Variants in HPSE2 observed in about 807,000 individuals in gnomAD.
HPSE2 encodes heparanase 2 (inactive), also known as inactive heparanase-2.
Under a neutral mutation model 60.5 loss-of-function variants are expected in HPSE2, and 38 were observed. That is an observed-to-expected ratio of 0.63 (90% confidence interval 0.48 to 0.82). The LOEUF (loss-of-function observed/expected upper bound fraction) is 0.82. Among genes scored for constraint, HPSE2 ranks in the 40% least tolerant of loss-of-function variants. The pLI, the probability that HPSE2 is intolerant of heterozygous loss-of-function variation, is 0.00. For missense variants in HPSE2, 713 were observed against 740.4 expected (o/e 0.96, Z 0.43); for synonymous variants, 295 against 293.2 (o/e 1.01, Z -0.06).
chr10:98,475,950 T>G (rs1318538748), intron 11 of HPSE2, among the ~76,000 whole-genome samples: 2 of 152,040 alleles, frequency 1.3e-5, no homozygotes, highest in Non-Finnish European at 2.9e-5. Flanking sequence ...AAATACCATT[T>G]GACCCAGCCA....
chr10:98,940,496 A>C lies in HPSE2; in HGVS notation c.611-196440T>G, dbSNP rs1227752454. Among the ~76,000 whole-genome samples, 4 of 144,172 alleles carry C rather than the reference A, an allele frequency of 2.8e-5. 2 individuals are homozygous for C. The highest frequency in any genetic ancestry group is 1.1e-4 in the African/African-American group (4 of 35,522). 94.6% of individuals were successfully genotyped at this position (144,172 alleles called of 152,430 possible). A position where few individuals can be genotyped will look rare whatever the true frequency, so the allele number is the denominator to read the frequency against. ...TAGAAAATCTAGAAGAAATGGATAA[A>C]TTCCTCCACACATACACCCTCCCAA... On this transcript the variant is annotated intron_variant, in intron 3 of 11. Transcript: ENST00000370552.
chr10:98,572,845 G>C (rs1416109479), intron 9 of HPSE2, among the ~76,000 whole-genome samples: 2 of 152,208 alleles, frequency 1.3e-5, no homozygotes, highest in Non-Finnish European at 1.5e-5. Context: ...GGCCTGCCCA[G>C]ACTAAGTGAA....
intron 9 of HPSE2, among the ~76,000 whole-genome samples, chr10:98,538,582 T>C (rs1293532212): frequency 6.6e-6 from 1 of 152,080 alleles, no homozygotes; most frequent in East Asian, 2.0e-4. Flanking sequence ...TGGAATCATC[T>C]GGGGAGCTTT....
intron 3 of HPSE2, among the ~76,000 whole-genome samples, chr10:99,002,491 T>G (rs989444122): frequency 2.6e-5 from 4 of 152,088 alleles, no homozygotes; most frequent in Non-Finnish European, 2.9e-5. Context: ...TATAACCAAA[T>G]CTATAACCTC....
At chr10:99,295,339 G>A in the HPSE2 span, among the ~76,000 whole-genome samples, 3 of 62,676 alleles carry the variant, frequency 4.8e-5, no homozygotes, top group Non-Finnish European at 9.4e-5. Flanking sequence ...ATAAAATACT[G>A]CCTCTCAGGA....
intron 3 of HPSE2, among the ~76,000 whole-genome samples, chr10:99,009,743 ATT>A (rs1274464590): frequency 6.6e-6 from 1 of 152,306 alleles, no homozygotes; most frequent in East Asian, 1.9e-4. Flanking sequence ...GACCAGTAAT[ATT>A]TCAAAAAGAA....
Position 98,721,665 on chromosome 10 carries a change from G to A in HPSE2, c.948C>T (p.Leu316=). 1 of 1,613,334 alleles carries A rather than the reference G, an allele frequency of 6.2e-7. No homozygotes were observed. The highest frequency in any genetic ancestry group is 8.5e-7 in the Non-Finnish European group (1 of 1,179,782). Residue 316 remains leucine (L), a synonymous_variant, in exon 5 of 12, where the codon CTC becomes CTT. Transcript: ENST00000370552. ...IGRPRKNVIA[L]LDGFMKVAGS... ...TAAATAATCTGACCTACCCATCTAG[G>A]AGGGCGATGACATTCTTCCTCGGCC... is the stretch of plus-strand genomic sequence containing the variant.
At chr10:98,780,780 AT>A (rs1425361189) in intron 3 of HPSE2, among the ~76,000 whole-genome samples, 1 of 152,128 alleles carries the variant, frequency 6.6e-6, no homozygotes, top group African/African-American at 2.4e-5. Context: ...TTCTGAGAAA[AT>A]TTCTCAGGAC....
intron 3 of HPSE2, among the ~76,000 whole-genome samples, chr10:98,836,341 ATAAAG>A (rs898237101): frequency 2.0e-5 from 3 of 152,220 alleles, no homozygotes; most frequent in Admixed American, 6.5e-5. Context: ...AACCTGAGTT[ATAAAG>A]TAATTTCCTG....
intron 7 of HPSE2, among the ~76,000 whole-genome samples, chr10:98,639,548 C>A (rs1231526095): frequency 6.6e-6 from 1 of 152,184 alleles, no homozygotes; most frequent in Non-Finnish European, 1.5e-5. Flanking sequence ...TCCCCTTCCC[C>A]TTCTAAGTCC....
At chr10:99,062,175 T>C (rs1010676214) in intron 3 of HPSE2, among the ~76,000 whole-genome samples, 5 of 152,196 alleles carry the variant, frequency 3.3e-5, no homozygotes, top group Non-Finnish European at 7.3e-5. Flanking sequence ...AAACTATGCA[T>C]AGTGTTCTCT....
chr10:98,861,241 T>A (rs188466217), intron 3 of HPSE2, among the ~76,000 whole-genome samples: 157 of 152,322 alleles, frequency 1.0e-3, no homozygotes, highest in Non-Finnish European at 2.0e-3. Context: ...AGAAATTATC[T>A]TGTTTATACA....
At chr10:99,042,239 A>G (rs1957756513) in intron 3 of HPSE2, among the ~76,000 whole-genome samples, 1 of 152,008 alleles carries the variant, frequency 6.6e-6, no homozygotes, top group Non-Finnish European at 1.5e-5. Context: ...TCCTATGGAG[A>G]AGAGGCCAGA....
chr10:99,016,599 G>A (rs905190968), intron 3 of HPSE2, among the ~76,000 whole-genome samples: 2 of 152,030 alleles, frequency 1.3e-5, no homozygotes, highest in Admixed American at 1.3e-4. Context: ...GCATAACACT[G>A]AATCTATAAA....
chr10:98,577,128 A>C (rs1944662678), intron 9 of HPSE2, among the ~76,000 whole-genome samples: 1 of 149,884 alleles, frequency 6.7e-6, no homozygotes, highest in Admixed American at 6.6e-5. Flanking sequence ...GCAACAATAC[A>C]TAGTTATCCA....
intron 3 of HPSE2, among the ~76,000 whole-genome samples, chr10:99,129,097 T>C (rs1450365273): frequency 1.3e-5 from 2 of 151,944 alleles, no homozygotes. Flanking sequence ...AACAGGAAAA[T>C]ATCACAATCT....
At chr10:98,683,305 T>A in intron 6 of HPSE2, among the ~76,000 whole-genome samples, 1 of 141,470 alleles carries the variant, frequency 7.1e-6, no homozygotes, top group Non-Finnish European at 1.5e-5. Flanking sequence ...GTAAGACAAA[T>A]AGGGAGAAGA....
chr10:99,124,329 T>C (rs1845081184), intron 3 of HPSE2, among the ~76,000 whole-genome samples: 1 of 152,182 alleles, frequency 6.6e-6, no homozygotes, highest in Admixed American at 6.5e-5. Context: ...GTCCTCAGAC[T>C]CCAGCCAGAA....
intron 3 of HPSE2, among the ~76,000 whole-genome samples, chr10:98,758,358 G>A (rs983029017): frequency 4.0e-5 from 6 of 149,290 alleles, no homozygotes; most frequent in Non-Finnish European, 5.9e-5. Flanking sequence ...AAACTAAAGA[G>A]CTTCTGCACA....
Sources: gnomAD v4.1 joint callset for allele counts (sites outside exome capture counted in the v4.1 genomes callset) on GRCh38, gnomAD v4.1.1 for gene constraint, MANE v1.5 for transcripts, NCBI Gene and HGNC (gene_info 2026-07-23, HGNC 2026-07-21) for gene names.